The following TMX2 variants were observed in gnomAD, a reference collection of about 807,000 sequenced individuals.
The protein encoded by TMX2 is thioredoxin related transmembrane protein 2.
In TMX2, 20 loss-of-function variants were observed where a neutral mutation model predicts 33.4. The ratio of observed to expected loss-of-function variants is 0.60; its 90% CI spans 0.42 to 0.87. TMX2 has a LOEUF of 0.87. TMX2 is among the 40% of genes least tolerant of loss of function. The pLI is 0.00. For synonymous variants in TMX2, 166 were observed against 140.7 expected, an observed-to-expected ratio of 1.18 and a Z score of -1.27; for missense variants, 340 against 370.7, an observed-to-expected ratio of 0.92 and a Z score of 0.68.
At chr11:57,715,854 C>T (rs922365268) in intron 1 of TMX2, among the ~76,000 whole-genome samples, 13 of 151,494 alleles carry the variant, frequency 8.6e-5, no homozygotes, top group African/African-American at 2.7e-4. Context: ...ATCCATTTAA[C>T]CCTGAGTGGA....
At chr11:57,718,813 G>A (rs951318086) in intron 1 of TMX2, among the ~76,000 whole-genome samples, 29 of 150,474 alleles carry the variant, frequency 1.9e-4, no homozygotes, top group Non-Finnish European at 5.9e-5. Context: ...CTGCCACCAC[G>A]TCTGGCTAAA....
chr11:57,717,047 C>T (rs1490894571), intron 1 of TMX2, among the ~76,000 whole-genome samples: 3 of 147,978 alleles, frequency 2.0e-5, no homozygotes, highest in African/African-American at 5.2e-5. Flanking sequence ...GGCAGAGGCG[C>T]TCCTCACATC....
At chr11:57,730,060 C>T (rs1208700147) in intron 1 of TMX2, among the ~76,000 whole-genome samples, 1 of 151,486 alleles carries the variant, frequency 6.6e-6, no homozygotes, top group Non-Finnish European at 1.5e-5. Context: ...GCCAGGATCA[C>T]ACCACTGCAC....
intron 1 of TMX2, among the ~76,000 whole-genome samples, chr11:57,737,236 A>G (rs941849259): frequency 6.6e-6 from 1 of 152,158 alleles, no homozygotes; most frequent in Non-Finnish European, 1.5e-5. Flanking sequence ...CCTGGCCAAC[A>G]TGGTGAAACC....
rs1416793674 is a variant in TMX2 at position 57,738,897 on chromosome 11, C to T, written c.549-77C>T. On this transcript the variant is annotated intron_variant, in intron 5 of 7. Coordinates refer to ENST00000278422, the MANE Select transcript of TMX2 (RefSeq NM_015959.4). ...GGTAACCAAAGGCATCTCCCTCTCC[C>T]CTCTTAAATATCTATACTTCCACTT... The T allele has an allele frequency of 3.9e-6, 6 of 1,548,952 alleles. No individual in the cohort carries two copies. The African/African-American group carries it at 6.8e-5, about 18-fold the overall frequency.
chr11:57,712,837 A>T (rs1331304476), intron 1 of TMX2, 30 bp downstream of exon 1: 1 of 1,612,606 alleles, frequency 6.2e-7, no homozygotes, highest in East Asian at 2.2e-5. Context: ...GTACCCCGCG[A>T]CCTTGACTGT....
At position 57,735,045 on chromosome 11, in the gene TMX2, G is replaced by A. The variant is rs557751632; in HGVS notation, c.190-2563G>A. On this transcript the variant is annotated intron_variant, in intron 1 of 7. Coordinates refer to ENST00000278422, the MANE Select transcript of TMX2 (RefSeq NM_015959.4). ...CTCGGGAGGCTGAGGCAGGAGAATCGGTTGAACCTGGGAGGCGGAGGTTGC... is the reference window on the plus strand; with the variant it reads ...CTCGGGAGGCTGAGGCAGGAGAATCAGTTGAACCTGGGAGGCGGAGGTTGC... 1.6e-4 allele frequency among the ~76,000 whole-genome samples: 25 copies of A among 151,752 alleles called. No homozygotes were observed. The East Asian group carries it at 3.3e-3, about 20-fold the overall frequency.
At chr11:57,725,254 C>T (rs948056549) in intron 1 of TMX2, among the ~76,000 whole-genome samples, 2 of 152,084 alleles carry the variant, frequency 1.3e-5, no homozygotes, top group African/African-American at 4.8e-5. Flanking sequence ...TTTATCTCTC[C>T]CTGTTTTACT....
At chr11:57,735,221 T>C (rs1426352858) in intron 1 of TMX2, among the ~76,000 whole-genome samples, 1 of 152,066 alleles carries the variant, frequency 6.6e-6, no homozygotes. Context: ...CTTTTCTTTT[T>C]TTTTTGAGAC....
intron 1 of TMX2, among the ~76,000 whole-genome samples, chr11:57,721,119 C>T (rs2135506772): frequency 6.6e-6 from 1 of 150,850 alleles, no homozygotes; most frequent in African/African-American, 2.4e-5. Context: ...CTGGGCAATA[C>T]AGTGAAACCC....
rs1949040408 is a variant in TMX2, at chr11:57,740,840, A to C, written c.*595A>C. The C allele has an allele frequency of 6.6e-6, 1 of 152,388 alleles. No individual in the cohort carries two copies. Among genetic ancestry groups the C allele is most frequent in the African/African-American group, 2.4e-5 (1 of 41,464 alleles). The allele number at this position is 152,388 out of a possible 1,614,324, so 9.4% of individuals were successfully genotyped here. On this transcript the variant is annotated 3_prime_UTR_variant, in exon 8 of 8. Transcript: ENST00000278422. ...TTTTGTGGGGATTGAGAAGGGGTGA[A>C]TAGAGGCTTGAGACTTTCCTTTGTG...
chr11:57,738,250 C>T, intron 3 of TMX2, 104 bp from the exon 4 acceptor site: 1 of 874,690 alleles, frequency 1.1e-6, no homozygotes, highest in Non-Finnish European at 1.9e-6. Context: ...CATATATCCA[C>T]AAGTGTGTAT....
intron 1 of TMX2, among the ~76,000 whole-genome samples, chr11:57,720,641 G>A (rs1156365849): frequency 6.6e-6 from 1 of 152,174 alleles, no homozygotes; most frequent in Non-Finnish European, 1.5e-5. Flanking sequence ...CAAGCCATCC[G>A]CCCGCTTTGG....
intron 1 of TMX2, among the ~76,000 whole-genome samples, chr11:57,737,244 A>G (rs1199349144): frequency 6.6e-6 from 1 of 152,096 alleles, no homozygotes; most frequent in East Asian, 1.9e-4. Context: ...ACATGGTGAA[A>G]CCCTGTCTCT....
At chr11:57,717,030 G>A (rs1362474674) in intron 1 of TMX2, among the ~76,000 whole-genome samples, 3 of 148,554 alleles carry the variant, frequency 2.0e-5, no homozygotes, top group South Asian at 2.1e-4. Context: ...AGACGGGGTC[G>A]CGGCCGGGCA....
chr11:57,733,458 T>C (rs1948531250), intron 1 of TMX2, among the ~76,000 whole-genome samples: 1 of 151,994 alleles, frequency 6.6e-6, no homozygotes, highest in South Asian at 2.1e-4. Flanking sequence ...GGTTTCACCA[T>C]GTAGGCCAGG....
intron 1 of TMX2, chr11:57,718,369 T>TGGATACATAAACC (rs1947318588): frequency 6.7e-7 from 1 of 1,495,328 alleles, no homozygotes; most frequent in East Asian, 2.3e-5. Context: ...CTGGAATAAT[T>TGGATACATAAACC]CTGTGAAAGC....
intron 1 of TMX2, among the ~76,000 whole-genome samples, chr11:57,735,089 C>G (rs954670389): frequency 6.6e-6 from 1 of 151,916 alleles, no homozygotes; most frequent in Non-Finnish European, 1.5e-5. Flanking sequence ...GAGATCATGC[C>G]CCTGCATTCC....
rs1260957954 is a variant in TMX2 at position 57,716,706 on chromosome 11, T to G, written c.189+3899T>G. Reference sequence around the variant, plus strand: ...CTCCCGGACGGGGCGGCAGGCCGGGTGGGGGGCTGACTCCCCCACCTCCCT... The same window carrying G: ...CTCCCGGACGGGGCGGCAGGCCGGGGGGGGGGCTGACTCCCCCACCTCCCT... On this transcript the variant is annotated intron_variant, in intron 1 of 7. Coordinates refer to ENST00000278422, the MANE Select transcript of TMX2 (RefSeq NM_015959.4). 4.4e-5 allele frequency among the ~76,000 whole-genome samples: 5 copies of G among 114,326 alleles called. No individual in the cohort carries two copies. In the East Asian group the frequency reaches 9.7e-4, roughly 22 times the overall value. 75.0% of individuals were successfully genotyped at this position (114,326 alleles called of 152,430 possible).
Sources: gnomAD v4.1 joint callset for allele counts (sites outside exome capture counted in the v4.1 genomes callset) on GRCh38, gnomAD v4.1.1 for gene constraint, MANE v1.5 for transcripts, NCBI Gene and HGNC (gene_info 2026-07-23, HGNC 2026-07-21) for gene names.